PRR16: variants seen among roughly 807,000 people sequenced by gnomAD.
PRR16 encodes proline rich 16.
In PRR16, 6 loss-of-function variants were observed where a neutral mutation model predicts 18.2. That is an observed-to-expected ratio of 0.33 (90% CI 0.18 to 0.65). The LOEUF (loss-of-function observed/expected upper bound fraction) is 0.65, where lower values mean the gene tolerates loss of function less well. Among genes scored for constraint, PRR16 ranks in the 30% least tolerant of loss-of-function variants. PRR16 has a pLI of 0.74. For synonymous variants in PRR16, 151 were observed against 147.8 expected (o/e 1.02, Z -0.16); for missense variants, 412 against 376.6 (o/e 1.09, Z -0.78).
At chr5:120,709,908 A>G in the PRR16 span, among the ~76,000 whole-genome samples, 3 of 152,200 alleles carry the variant, frequency 2.0e-5, no homozygotes, top group African/African-American at 7.2e-5. Context: ...TTGATTCCAT[A>G]TCTTGGATAT....
intron 1 of PRR16, chr5:120,481,264 C>G (rs1258482806): frequency 2.1e-6 from 1 of 469,888 alleles, no homozygotes; most frequent in South Asian, 1.6e-5. Flanking sequence ...TCTCCTGCCT[C>G]AGCCTGCCTC....
Position 120,686,088 on chromosome 5 carries a change from G to A in PRR16, c.294G>A (p.Gln98=). ...CCAGCCTAGAGAAGATCAAAGTGCAGGCTAATGCACCGCTTATTAAACCCC... is the reference window on the plus strand; with the variant it reads ...CCAGCCTAGAGAAGATCAAAGTGCAAGCTAATGCACCGCTTATTAAACCCC... The part of the protein sequence containing the change: ...TASSLEKIKV[Q]ANAPLIKPPA... The change falls in exon 2 of 2, where the codon CAG becomes CAA. Residue 98 remains glutamine (Q), a synonymous_variant. Coordinates refer to ENST00000407149, the MANE Select transcript of PRR16 (RefSeq NM_001300783.2). 3 of 1,614,098 alleles carry A rather than the reference G, an allele frequency of 1.9e-6. No individual in the cohort carries two copies. Among genetic ancestry groups the A allele is most frequent in the Non-Finnish European group, 2.5e-6 (3 of 1,180,022 alleles).
chr5:120,609,691 G>A (rs1448844576), intron 1 of PRR16, among the ~76,000 whole-genome samples: 1 of 152,090 alleles, frequency 6.6e-6, no homozygotes, highest in African/African-American at 2.4e-5. Flanking sequence ...AGTGATACTT[G>A]CATATAACCT....
chr5:120,791,632 T>C, the PRR16 span, among the ~76,000 whole-genome samples: 243 of 136,552 alleles, frequency 1.8e-3, 1 homozygote, highest in Admixed American at 3.4e-3. Flanking sequence ...TCCATCCATC[T>C]ATCATCTATC....
chr5:120,586,942 G>A lies in PRR16; in HGVS notation c.160-99012G>A, dbSNP rs531189195. ...TGCACCAAACAGTTAGCCAAGTTGT[G>A]AATTCAATGGAAAGATTCTTGAAGA... On this transcript the variant is annotated intron_variant, in intron 1 of 1. Transcript: ENST00000407149. 2.0e-5 allele frequency among the ~76,000 whole-genome samples: 3 copies of A among 152,284 alleles called. No individual in the cohort carries two copies. The East Asian group carries it at 5.8e-4, about 29-fold the overall frequency.
At chr5:120,759,886 A>G in the PRR16 span, among the ~76,000 whole-genome samples, 1 of 152,202 alleles carries the variant, frequency 6.6e-6, no homozygotes, top group Non-Finnish European at 1.5e-5. Context: ...AAAATCATTT[A>G]GAAGGTTGGG....
At chr5:120,531,394 A>G (rs1050040611) in intron 1 of PRR16, 1 of 152,100 alleles carries the variant, frequency 6.6e-6, no homozygotes, top group Non-Finnish European at 1.5e-5. Context: ...GGCTTCTTCC[A>G]CACCCTGCAA....
the PRR16 span, among the ~76,000 whole-genome samples, chr5:120,696,449 T>A: frequency 6.6e-6 from 1 of 152,182 alleles, no homozygotes; most frequent in African/African-American, 2.4e-5. Flanking sequence ...TGTATTCAAG[T>A]TGTATTCAAG....
At chr5:120,553,322 C>T (rs1752312010) in intron 1 of PRR16, among the ~76,000 whole-genome samples, 1 of 151,870 alleles carries the variant, frequency 6.6e-6, no homozygotes, top group African/African-American at 2.4e-5. Flanking sequence ...GGACTGTTCT[C>T]AAACCCAGGA....
chr5:120,564,312 C>G (rs1272777061), intron 1 of PRR16, among the ~76,000 whole-genome samples: 1 of 152,080 alleles, frequency 6.6e-6, no homozygotes, highest in East Asian at 1.9e-4. Context: ...CCCAGCCCAA[C>G]ACTAGACTTT....
chr5:120,660,296 G>T (rs1756132293), intron 1 of PRR16, among the ~76,000 whole-genome samples: 1 of 151,850 alleles, frequency 6.6e-6, no homozygotes, highest in Admixed American at 6.6e-5. Context: ...GATATTAGTG[G>T]CAACATATTT....
At chr5:120,784,617 A>T in the PRR16 span, among the ~76,000 whole-genome samples, 1 of 152,332 alleles carries the variant, frequency 6.6e-6, no homozygotes, top group East Asian at 1.9e-4. Context: ...AAATCTGAAT[A>T]AAAATGGGCA....
chr5:120,474,597 TAAA>T (rs1040625269), intron 1 of PRR16, among the ~76,000 whole-genome samples: 1 of 138,296 alleles, frequency 7.2e-6, no homozygotes, highest in Non-Finnish European at 1.6e-5. Context: ...ATCTTTTTTT[TAAA>T]AAAAAAACCC....
chr5:120,624,398 G>C (rs1754794374), intron 1 of PRR16, among the ~76,000 whole-genome samples: 1 of 152,244 alleles, frequency 6.6e-6, no homozygotes. Context: ...TATGTATGTA[G>C]AACAAAACTG....
intron 1 of PRR16, among the ~76,000 whole-genome samples, chr5:120,586,537 A>G (rs2112765810): frequency 6.6e-6 from 1 of 152,076 alleles, no homozygotes. Context: ...ACATTTTGGT[A>G]ATCCCTACAA....
chr5:120,699,467 C>A, the PRR16 span, among the ~76,000 whole-genome samples: 1 of 151,872 alleles, frequency 6.6e-6, no homozygotes, highest in African/African-American at 2.4e-5. Context: ...ATGTGGGAGG[C>A]CGGATTCAAG....
At chr5:120,745,266 A>C in the PRR16 span, among the ~76,000 whole-genome samples, 2 of 152,122 alleles carry the variant, frequency 1.3e-5, no homozygotes, top group Non-Finnish European at 2.9e-5. Context: ...TTGTTTATGC[A>C]TGGGATCTTG....
At chr5:120,506,161 G>A (rs1750639485) in intron 1 of PRR16, among the ~76,000 whole-genome samples, 1 of 151,876 alleles carries the variant, frequency 6.6e-6, no homozygotes, top group Non-Finnish European at 1.5e-5. Context: ...AGGCTGTGGA[G>A]GGTCTTTCAC....
chr5:120,752,800 T>C, the PRR16 span, among the ~76,000 whole-genome samples: 1 of 151,892 alleles, frequency 6.6e-6, no homozygotes, highest in Admixed American at 6.6e-5. Context: ...GTTATTTAGC[T>C]TAGTCAGTGG....
Sources: gnomAD v4.1 joint callset for allele counts (sites outside exome capture counted in the v4.1 genomes callset) on GRCh38, gnomAD v4.1.1 for gene constraint, MANE v1.5 for transcripts, NCBI Gene and HGNC (gene_info 2026-07-23, HGNC 2026-07-21) for gene names.